The following SMC5 variants were observed in gnomAD, a reference collection of about 807,000 sequenced individuals.
The protein encoded by SMC5 is structural maintenance of chromosomes protein 5.
SMC5 carries 88 observed loss-of-function variants against 148.3 expected under a neutral mutation model. The ratio of observed to expected loss-of-function variants is 0.59; its 90% CI spans 0.50 to 0.71. The LOEUF (loss-of-function observed/expected upper bound fraction) is 0.71. Ranked by LOEUF, SMC5 falls within the 30% of genes least tolerant of loss-of-function variation. The probability of loss-of-function intolerance (pLI) is 0.00; values close to 1 mark genes in which losing one functional copy is unlikely to be tolerated. For synonymous variants in SMC5, 421 were observed against 432.8 expected (o/e 0.97, Z 0.34); for missense variants, 1,142 against 1,298.9 (o/e 0.88, Z 1.86).
At chr9:70,317,289 A>T (rs780866655) in intron 13 of SMC5, among the ~76,000 whole-genome samples, 1 of 152,158 alleles carries the variant, frequency 6.6e-6, no homozygotes, top group African/African-American at 2.4e-5. Context: ...ATTTTAGGTT[A>T]TCTAACAGTA....
Position 70,324,062 on chromosome 9 carries a change from C to G in SMC5, c.2316C>G (p.Leu772=), listed in dbSNP as rs2036014844. ...SLHIQKVDLI[L]QNTTVISEKN... is the part of the protein sequence containing the mutation. Reference sequence around the variant, plus strand: ...ATATACAAAAAGTAGATTTAATTCTCCAAAATACTACAGTGATCTCTGAGA... The same window carrying G: ...ATATACAAAAAGTAGATTTAATTCTGCAAAATACTACAGTGATCTCTGAGA... Residue 772 remains leucine (L), a synonymous_variant, in exon 17 of 25, where the codon CTC becomes CTG. Transcript: ENST00000361138. 2.5e-6 allele frequency: 4 copies of G among 1,592,034 alleles called. No individual in the cohort carries two copies. Among genetic ancestry groups the G allele is most frequent in the African/African-American group, 1.4e-5 (1 of 73,790 alleles).
intron 8 of SMC5, among the ~76,000 whole-genome samples, chr9:70,292,101 G>T (rs1174737198): frequency 6.6e-6 from 1 of 152,182 alleles, no homozygotes; most frequent in Non-Finnish European, 1.5e-5. Flanking sequence ...AGTGCTGAAA[G>T]TGTAAATTTT....
chr9:70,352,396 C>T lies in SMC5; in HGVS notation c.*65C>T. On this transcript the variant is annotated 3_prime_UTR_variant, in exon 25 of 25. Transcript: ENST00000361138. The stretch of plus-strand genomic sequence containing the variant: ...AATTCTGTTTATAAGTATGGCTCAA[C>T]TGAATAAAAGGAGATTCACTAAAAC... 6.9e-7 allele frequency: 1 copy of T among 1,458,246 alleles called. No homozygotes were observed. Among genetic ancestry groups the T allele is most frequent in the East Asian group, 2.3e-5 (1 of 43,496 alleles). 90.3% of individuals were successfully genotyped at this position (1,458,246 alleles called of 1,614,324 possible). A position where few individuals can be genotyped will look rare whatever the true frequency, so the allele number is the denominator to read the frequency against.
intron 11 of SMC5, among the ~76,000 whole-genome samples, chr9:70,308,686 A>C (rs1469236920): frequency 6.7e-6 from 1 of 150,292 alleles, no homozygotes; most frequent in East Asian, 2.0e-4. Flanking sequence ...GTCTCTCAAC[A>C]TTTTTTCTTT....
chr9:70,282,439 T>A lies in SMC5; in HGVS notation c.837T>A (p.Arg279=). Residue 279 remains arginine, a synonymous_variant, in exon 7 of 25, where the codon CGT becomes CGA. Coordinates refer to ENST00000361138, the MANE Select transcript of SMC5 (RefSeq NM_015110.4). Reference sequence around the variant, plus strand: ...TTTGCAAGGAATATGAAAATGTTCGTCAGGAATATGAAGAAGTAAAACTAG... The same window carrying A: ...TTTGCAAGGAATATGAAAATGTTCGACAGGAATATGAAGAAGTAAAACTAG... The part of the protein sequence containing the change: ...KRPWVEYENV[R]QEYEEVKLVR... 1.3e-6 allele frequency: 2 copies of A among 1,593,482 alleles called. No individual in the cohort carries two copies. The highest frequency in any genetic ancestry group is 1.7e-6 in the Non-Finnish European group (2 of 1,173,984).
At chr9:70,346,974 T>G in intron 19 of SMC5, 92 bp from the exon 20 acceptor site, 1 of 909,380 alleles carries the variant, frequency 1.1e-6, no homozygotes, top group Non-Finnish European at 1.7e-6. Flanking sequence ...GTTGAACAGA[T>G]AGATAACTTA....
In SMC5 at chr9:70,274,324, A is replaced by G. The variant is rs1023594957; in HGVS notation, c.381-2986A>G. Among the ~76,000 whole-genome samples, 6 of 151,974 alleles carry G rather than the reference A, an allele frequency of 3.9e-5. No individual in the cohort carries two copies. In the East Asian group the frequency reaches 1.2e-3, roughly 29 times the overall value. ...TCTCGATCTCCTGACCTCGTGATCC[A>G]CCCACCTCGGCCTCCCAAAGTGCTG... On this transcript the variant is annotated intron_variant, in intron 3 of 24. Transcript: ENST00000361138.
intron 12 of SMC5, 68 bp from the exon 13 acceptor site, chr9:70,315,377 CT>C: frequency 9.2e-7 from 1 of 1,091,026 alleles, no homozygotes; most frequent in Non-Finnish European, 1.3e-6. Flanking sequence ...TTATTGGTGG[CT>C]TATCAACTCC....
chr9:70,344,230 C>T lies in SMC5; in HGVS notation c.2484C>T (p.Asn828=). ...ELMKRARQVC[N]LGAEQTLPQE... ...TGAAAAGAGCTAGGCAAGTATGTAACCTGGGTGCAGAGCAGACTCTTCCTC... is the reference window on the plus strand; with the variant it reads ...TGAAAAGAGCTAGGCAAGTATGTAATCTGGGTGCAGAGCAGACTCTTCCTC... Residue 828 remains asparagine (N), a synonymous_variant, in exon 18 of 25, where the codon AAC becomes AAT. Transcript: ENST00000361138. 1.9e-6 allele frequency: 3 copies of T among 1,546,308 alleles called. No homozygotes were observed. Among genetic ancestry groups the T allele is most frequent in the South Asian group, 1.3e-5 (1 of 79,068 alleles).
chr9:70,321,611 A>G (rs1474635180), intron 15 of SMC5, among the ~76,000 whole-genome samples: 2 of 151,768 alleles, frequency 1.3e-5, no homozygotes, highest in East Asian at 1.9e-4. Context: ...CGAACACCAG[A>G]CCTCAATCAG....
At chr9:70,303,966 A>G (rs1399258367) in intron 10 of SMC5, among the ~76,000 whole-genome samples, 1 of 152,218 alleles carries the variant, frequency 6.6e-6, no homozygotes, top group Non-Finnish European at 1.5e-5. Context: ...TCTACTTTCA[A>G]CATAGTTATT....
At chr9:70,264,011 T>G (rs905753269) in intron 1 of SMC5, among the ~76,000 whole-genome samples, 10 of 152,246 alleles carry the variant, frequency 6.6e-5, no homozygotes, top group African/African-American at 2.2e-4. Context: ...ATCTTTGATA[T>G]AGTGTCCAGT....
chr9:70,296,421 G>C (rs1460802842), intron 8 of SMC5, among the ~76,000 whole-genome samples: 1 of 151,996 alleles, frequency 6.6e-6, no homozygotes, highest in Non-Finnish European at 1.5e-5. Flanking sequence ...AATTAACCGG[G>C]CATGGTGGCA....
Position 70,347,992 on chromosome 9 carries a change from G to T in SMC5, c.2843G>T (p.Ser948Ile). 6.2e-7 allele frequency: 1 copy of T among 1,607,238 alleles called. No individual in the cohort carries two copies. Among genetic ancestry groups the T allele is most frequent in the African/African-American group, 1.3e-5 (1 of 74,812 alleles). Reference sequence around the variant, plus strand: ...AATGAAAAATTCAGCAATTTTTTTAGTTCCATGCAGTGTGCTGGTGAAGTT... The same window carrying T: ...AATGAAAAATTCAGCAATTTTTTTATTTCCATGCAGTGTGCTGGTGAAGTT... ...KINEKFSNFF[S>I]SMQCAGEVDL... Residue 948 changes from serine to isoleucine, a missense_variant, in exon 22 of 25, where the codon AGT (serine) becomes ATT (isoleucine). By Grantham distance (142) the Ser-to-Ile change is moderately radical. Around this residue, in one of 5 missense-constraint regions of SMC5, gnomAD observed 743 missense variants for 835.7 expected, o/e 0.89. Transcript: ENST00000361138.
At chr9:70,343,904 A>C (rs1025536191) in intron 17 of SMC5, among the ~76,000 whole-genome samples, 35 of 152,134 alleles carry the variant, frequency 2.3e-4, no homozygotes, top group Non-Finnish European at 4.3e-4. Flanking sequence ...AGTAAAATTT[A>C]AATTTTACAC....
intron 11 of SMC5, among the ~76,000 whole-genome samples, chr9:70,308,417 C>T (rs1459108706): frequency 1.3e-5 from 2 of 151,090 alleles, no homozygotes; most frequent in East Asian, 3.9e-4. Flanking sequence ...CACGGTGAAA[C>T]CCTGTGTCTA....
chr9:70,259,013 C>T lies in SMC5; in HGVS notation c.-66C>T, dbSNP rs905630155. 5 of 1,494,916 alleles carry T rather than the reference C, an allele frequency of 3.3e-6. No homozygotes were observed. Among genetic ancestry groups the T allele is most frequent in the Admixed American group, 2.4e-5 (1 of 42,328 alleles). 92.6% of individuals were successfully genotyped at this position (1,494,916 alleles called of 1,614,324 possible). A position where few individuals can be genotyped will look rare whatever the true frequency, so the allele number is the denominator to read the frequency against. ...GGAGCGGGGCGCCTGGGTGGATGGG[C>T]GCTTGGGCGCCTGGGCTGCCGGACG... On this transcript the variant is annotated 5_prime_UTR_variant, in exon 1 of 25. Transcript: ENST00000361138.
chr9:70,325,866 C>T (rs2036064703), intron 17 of SMC5, among the ~76,000 whole-genome samples: 1 of 151,452 alleles, frequency 6.6e-6, no homozygotes, highest in African/African-American at 2.4e-5. Context: ...AGATAGTATC[C>T]CCCAAAACTA....
chr9:70,313,066 C>G lies in SMC5; in HGVS notation c.1579-1676C>G, dbSNP rs527896789. ...TTTTATAGTAAATTGAGTTTCTCTA[C>G]TACATATAAAGGCTATTTCAGCTTC... On this transcript the variant is annotated intron_variant, in intron 11 of 24. Coordinates refer to ENST00000361138, the MANE Select transcript of SMC5 (RefSeq NM_015110.4). 1.4e-3 allele frequency among the ~76,000 whole-genome samples: 209 copies of G among 152,240 alleles called. 1 individual carries two copies. The highest frequency in any genetic ancestry group is 4.8e-3 in the African/African-American group (200 of 41,544).
Sources: allele counts gnomAD v4.1 joint callset (sites outside exome capture counted in the v4.1 genomes callset), GRCh38; gene constraint gnomAD v4.1.1; regional missense constraint gnomAD v4.1.1; transcripts MANE v1.5; gene names NCBI Gene and HGNC (gene_info 2026-07-23, HGNC 2026-07-21).